Variants in NBEA observed in about 807,000 individuals in gnomAD.
The protein encoded by NBEA is neurobeachin.
NBEA carries 44 observed loss-of-function variants against 343.4 expected under a neutral mutation model. That is an observed-to-expected ratio of 0.13 (90% CI 0.10 to 0.16). The LOEUF (loss-of-function observed/expected upper bound fraction) is 0.16, where lower values mean the gene tolerates loss of function less well. NBEA is among the 10% of genes least tolerant of loss of function. NBEA has a pLI of 1.00. For missense variants in NBEA, 2,555 were observed against 3,631.3 expected (o/e 0.70, Z 7.62); for synonymous variants, 1,175 against 1,238.7 (o/e 0.95, Z 1.08).
At chr13:35,594,451 A>G (rs1233829022) in intron 47 of NBEA, among the ~76,000 whole-genome samples, 1 of 152,168 alleles carries the variant, frequency 6.6e-6, no homozygotes, top group African/African-American at 2.4e-5. Flanking sequence ...AAATGGAGCC[A>G]AGTAGATTGT....
intron 48 of NBEA, among the ~76,000 whole-genome samples, chr13:35,617,171 G>T (rs993982181): frequency 3.3e-5 from 5 of 152,192 alleles, no homozygotes; most frequent in African/African-American, 4.8e-5. Context: ...GTTCATGAAG[G>T]AATGAGAGAA....
At chr13:35,392,458 T>C (rs1165725872) in intron 38 of NBEA, among the ~76,000 whole-genome samples, 2 of 148,548 alleles carry the variant, frequency 1.3e-5, no homozygotes, top group Non-Finnish European at 3.0e-5. Context: ...TGAGCCAGTA[T>C]GTGTGTGTGT....
chr13:35,485,390 T>C (rs1366982830), intron 41 of NBEA, among the ~76,000 whole-genome samples: 1 of 152,086 alleles, frequency 6.6e-6, no homozygotes, highest in Non-Finnish European at 1.5e-5. Flanking sequence ...ATTCTACCTC[T>C]CTAAGTGGCA....
chr13:35,613,170 G>A (rs1481150611), intron 48 of NBEA, among the ~76,000 whole-genome samples: 1 of 150,432 alleles, frequency 6.6e-6, no homozygotes, highest in Non-Finnish European at 1.5e-5. Context: ...AACTGTAACT[G>A]CACCATTGAC....
At chr13:35,475,282 G>T (rs766862752) in intron 41 of NBEA, 2 of 1,613,910 alleles carry the variant, frequency 1.2e-6, no homozygotes, top group Non-Finnish European at 1.7e-6. Context: ...CGACTCTCGG[G>T]GATGCTTTTC....
At chr13:35,382,581 G>A (rs1232277402) in intron 38 of NBEA, among the ~76,000 whole-genome samples, 1 of 152,022 alleles carries the variant, frequency 6.6e-6, no homozygotes, top group African/African-American at 2.4e-5. Context: ...ATAAATAATT[G>A]TGAAATGAAT....
intron 48 of NBEA, among the ~76,000 whole-genome samples, chr13:35,625,180 A>ATATTTT (rs1201597888): frequency 1.3e-5 from 2 of 152,240 alleles, no homozygotes; most frequent in African/African-American, 4.8e-5. Flanking sequence ...ACCTCAAAGC[A>ATATTTT]TAAACATTTT....
At chr13:35,509,442 G>A (rs1025147377) in intron 41 of NBEA, among the ~76,000 whole-genome samples, 1 of 152,110 alleles carries the variant, frequency 6.6e-6, no homozygotes. Flanking sequence ...GTAAGGGAAT[G>A]GGGGCAGGAG....
chr13:35,411,650 G>T (rs372919424), intron 38 of NBEA, among the ~76,000 whole-genome samples: 6,904 of 145,826 alleles, frequency 0.047, 196 homozygotes, highest in African/African-American at 0.072. Context: ...TTTTTGTTTT[G>T]TTGTTGTTGT....
chr13:34,985,073 A>G (rs1467198920), intron 1 of NBEA, among the ~76,000 whole-genome samples: 1 of 150,976 alleles, frequency 6.6e-6, no homozygotes, highest in African/African-American at 2.4e-5. Flanking sequence ...TTACAACACT[A>G]TGTTGAATAG....
intron 23 of NBEA, among the ~76,000 whole-genome samples, chr13:35,163,423 G>T (rs1055156694): frequency 6.6e-6 from 1 of 151,898 alleles, no homozygotes; most frequent in African/African-American, 2.4e-5. Context: ...GGAGGCCAAG[G>T]CGGGAGGATA....
chr13:35,468,300 C>T (rs1383868976), intron 40 of NBEA, among the ~76,000 whole-genome samples: 1 of 152,170 alleles, frequency 6.6e-6, no homozygotes, highest in South Asian at 2.1e-4. Context: ...GCACCAACTT[C>T]ATACAGGGTT....
At chr13:35,474,196 C>A (rs2075768422) in intron 41 of NBEA, 1 of 152,492 alleles carries the variant, frequency 6.6e-6, no homozygotes, top group Non-Finnish European at 1.5e-5. Context: ...AAGTGAGACA[C>A]AACAACTTTT....
chr13:35,252,425 C>A (rs1217608294), intron 34 of NBEA, among the ~76,000 whole-genome samples: 11 of 152,170 alleles, frequency 7.2e-5, no homozygotes, highest in Admixed American at 7.2e-4. Context: ...CATATCAACT[C>A]CCCTGCCAAA....
intron 8 of NBEA, among the ~76,000 whole-genome samples, chr13:35,064,998 CACAGTCACT>C (rs2063598976): frequency 6.7e-6 from 1 of 150,154 alleles, no homozygotes; most frequent in Admixed American, 6.7e-5. Flanking sequence ...TGTGAGCGCA[CACAGTCACT>C]ACATACCATT....
chr13:35,291,572 T>C (rs1266698200), intron 35 of NBEA, among the ~76,000 whole-genome samples: 1 of 151,928 alleles, frequency 6.6e-6, no homozygotes, highest in Non-Finnish European at 1.5e-5. Flanking sequence ...ACTGTTGAAG[T>C]CCTGAGTTCG....
intron 41 of NBEA, among the ~76,000 whole-genome samples, chr13:35,513,301 AATTTTTTTT>A (rs2077357532): frequency 8.5e-6 from 1 of 117,302 alleles, no homozygotes; most frequent in African/African-American, 3.5e-5. Context: ...CACACCTGGC[AATTTTTTTT>A]TTTTTTTTTT....
In NBEA at chr13:35,074,471, A is replaced by G. The variant is rs541215838; in HGVS notation, c.1571+3619A>G. Among the ~76,000 whole-genome samples, 10 of 152,312 alleles carry G rather than the reference A, an allele frequency of 6.6e-5. No individual in the cohort carries two copies. In the South Asian group the frequency reaches 2.1e-3, roughly 32 times the overall value. The stretch of plus-strand genomic sequence containing the variant: ...GAACAAGGTATAAATTGAGTTTTGT[A>G]TATCAAACAATTAAAAATACACCAG... On this transcript the variant is annotated intron_variant, in intron 10 of 58. Transcript: ENST00000379939.
At chr13:35,359,383 C>T (rs530718496) in intron 38 of NBEA, among the ~76,000 whole-genome samples, 2 of 152,198 alleles carry the variant, frequency 1.3e-5, no homozygotes, top group African/African-American at 4.8e-5. Context: ...GTGCCTGTCT[C>T]TTTCAACATA....
Sources: allele counts gnomAD v4.1 joint callset (sites outside exome capture counted in the v4.1 genomes callset), GRCh38; gene constraint gnomAD v4.1.1; transcripts MANE v1.5; gene names NCBI Gene and HGNC (gene_info 2026-07-23, HGNC 2026-07-21).